Variants in CACNA2D1 observed in about 807,000 individuals in gnomAD.
CACNA2D1 encodes voltage-dependent calcium channel subunit alpha-2/delta-1.
Under a neutral mutation model 171.5 loss-of-function variants are expected in CACNA2D1, and 53 were observed. That is an observed-to-expected ratio of 0.31 (90% CI 0.25 to 0.39). The LOEUF is 0.39. Among genes scored for constraint, CACNA2D1 ranks in the 10% least tolerant of loss-of-function variants. The pLI is 1.00. For synonymous variants in CACNA2D1, 442 were observed against 443.1 expected, an observed-to-expected ratio of 1.00 and a Z score of 0.03; for missense variants, 903 against 1,299.8, an observed-to-expected ratio of 0.69 and a Z score of 4.69.
intron 3 of CACNA2D1, among the ~76,000 whole-genome samples, chr7:82,185,119 T>G (rs1019349257): frequency 6.6e-6 from 1 of 152,142 alleles, no homozygotes; most frequent in Non-Finnish European, 1.5e-5. Flanking sequence ...AAACTATGAA[T>G]AGGAGTAATT....
At chr7:82,177,484 GAACA>G (rs1240783500) in intron 3 of CACNA2D1, among the ~76,000 whole-genome samples, 9 of 152,048 alleles carry the variant, frequency 5.9e-5, no homozygotes, top group Non-Finnish European at 1.5e-5. Context: ...GGTTTGGATT[GAACA>G]AACAAATTAC....
chr7:82,378,324 AG>A (rs1351018134), intron 1 of CACNA2D1, among the ~76,000 whole-genome samples: 1 of 152,186 alleles, frequency 6.6e-6, no homozygotes, highest in Admixed American at 6.6e-5. Context: ...ATTGGAGCCC[AG>A]GAAGTCCAGA....
At chr7:82,180,190 G>C (rs1796974060) in intron 3 of CACNA2D1, among the ~76,000 whole-genome samples, 1 of 152,140 alleles carries the variant, frequency 6.6e-6, no homozygotes, top group Admixed American at 6.6e-5. Flanking sequence ...TCCAGAGCGA[G>C]GGCAGATTTG....
intron 18 of CACNA2D1, among the ~76,000 whole-genome samples, chr7:81,999,529 T>A (rs1798378464): frequency 6.6e-6 from 1 of 152,230 alleles, no homozygotes. Context: ...GTATTACAAA[T>A]GCTACTTAGT....
At position 82,071,058 on chromosome 7, in the gene CACNA2D1, C is replaced by T. The variant is rs75024869; in HGVS notation, c.659-4534G>A. On this transcript the variant is annotated intron_variant, in intron 7 of 38. Transcript: ENST00000356860. ...GATGAAAAGAACAACAACTAGAAGT[C>T]ATCTGGGCATTGTTGTTGATGTTGT... Among the ~76,000 whole-genome samples, 63 of 152,244 alleles carry T rather than the reference C, an allele frequency of 4.1e-4. 1 individual carries two copies. In the East Asian group the frequency reaches 0.011, roughly 28 times the overall value.
At chr7:82,069,367 T>G (rs923233911) in intron 7 of CACNA2D1, among the ~76,000 whole-genome samples, 1 of 152,158 alleles carries the variant, frequency 6.6e-6, no homozygotes. Flanking sequence ...TCAGGAAGAT[T>G]TGGGGATGGG....
chr7:82,077,093 T>C (rs1206575991), intron 7 of CACNA2D1, among the ~76,000 whole-genome samples: 1 of 152,232 alleles, frequency 6.6e-6, no homozygotes, highest in African/African-American at 2.4e-5. Context: ...ATTTAAGATG[T>C]ATTTAATTTA....
intron 12 of CACNA2D1, among the ~76,000 whole-genome samples, chr7:82,014,948 G>A (rs1161863024): frequency 6.6e-6 from 1 of 151,960 alleles, no homozygotes; most frequent in African/African-American, 2.4e-5. Flanking sequence ...CCAGCTACTC[G>A]GGAAGCTGAG....
chr7:82,372,758 G>T (rs1014432989), intron 1 of CACNA2D1, among the ~76,000 whole-genome samples: 1 of 151,886 alleles, frequency 6.6e-6, no homozygotes, highest in East Asian at 1.9e-4. Flanking sequence ...GTTTTTTGAA[G>T]GACTTGCAAA....
At chr7:82,233,747 A>C (rs548321543) in intron 3 of CACNA2D1, among the ~76,000 whole-genome samples, 10 of 152,194 alleles carry the variant, frequency 6.6e-5, no homozygotes, top group Non-Finnish European at 1.3e-4. Flanking sequence ...ACTCGCAGAG[A>C]GTAGTTATAT....
intron 10 of CACNA2D1, among the ~76,000 whole-genome samples, chr7:82,042,203 A>C (rs1804046438): frequency 2.0e-5 from 3 of 152,200 alleles, no homozygotes; most frequent in Non-Finnish European, 4.4e-5. Context: ...GAAAGTTTAC[A>C]ATCAGATAAG....
chr7:82,240,467 C>A (rs1423300127), intron 3 of CACNA2D1, among the ~76,000 whole-genome samples: 1 of 152,110 alleles, frequency 6.6e-6, no homozygotes, highest in African/African-American at 2.4e-5. Flanking sequence ...TATTAGCCTC[C>A]TTTCATAAGG....
At chr7:81,955,905 T>TGGGGGGGGG (rs59823054) in intron 38 of CACNA2D1, among the ~76,000 whole-genome samples, 2 of 53,928 alleles carry the variant, frequency 3.7e-5, no homozygotes, top group South Asian at 7.5e-4. Context: ...GTTATTTTGG[T>TGGGGGGGGG]GGGGGGGGGG....
chr7:82,263,852 C>T (rs1563278196), intron 3 of CACNA2D1, among the ~76,000 whole-genome samples: 1 of 152,046 alleles, frequency 6.6e-6, no homozygotes, highest in Non-Finnish European at 1.5e-5. Context: ...GAGAAGATTA[C>T]CCCAATCTCT....
At chr7:81,992,060 G>A (rs912997167) in intron 20 of CACNA2D1, among the ~76,000 whole-genome samples, 1 of 150,748 alleles carries the variant, frequency 6.6e-6, no homozygotes, top group Admixed American at 6.6e-5. Flanking sequence ...AGCCAGGACG[G>A]TCTCGATCTC....
At chr7:82,151,654 G>A (rs1793867245) in intron 4 of CACNA2D1, among the ~76,000 whole-genome samples, 1 of 152,188 alleles carries the variant, frequency 6.6e-6, no homozygotes, top group African/African-American at 2.4e-5. Flanking sequence ...TGTCACTTCG[G>A]TGGAGAGCAA....
Position 81,971,816 on chromosome 7 carries a change from T to G in CACNA2D1, c.2102A>C (p.Asn701Thr). The G allele has an allele frequency of 6.2e-7, 1 of 1,608,770 alleles. No individual in the cohort carries two copies. The highest frequency in any genetic ancestry group is 1.1e-5 in the South Asian group (1 of 90,840). ...ACTCCAGTAATTTTGGACAAGTTCA[T>G]TTGTAAAGCCTGCATCAAGCAAGAC... ...NRVLLDAGFT[N>T]ELVQNYWSKQ... Residue 701 changes from asparagine to threonine, a missense_variant, in exon 26 of 39, where the codon AAT (asparagine) becomes ACT (threonine). Physicochemically the swap from Asn to Thr is moderately conservative, Grantham distance 65. This residue lies in a region of CACNA2D1 where 623 missense variants were observed against 925.5 expected (regional missense o/e 0.67). Transcript: ENST00000356860.
At chr7:82,007,813 G>C (rs998796352) in intron 15 of CACNA2D1, 57 bp from the exon 16 acceptor site, 11 of 983,328 alleles carry the variant, frequency 1.1e-5, no homozygotes, top group Non-Finnish European at 1.8e-5. Flanking sequence ...AGCTTTGTCA[G>C]AGTGCACTAA....
chr7:82,116,683 A>G (rs1036025818), intron 6 of CACNA2D1, among the ~76,000 whole-genome samples: 2 of 152,170 alleles, frequency 1.3e-5, no homozygotes, highest in Admixed American at 6.5e-5. Flanking sequence ...TTATGCAAGA[A>G]TATTTTTGCA....
Sources: gnomAD v4.1 joint callset for allele counts (sites outside exome capture counted in the v4.1 genomes callset) on GRCh38, gnomAD v4.1.1 for gene constraint, gnomAD v4.1.1 regional missense constraint, MANE v1.5 for transcripts, NCBI Gene and HGNC (gene_info 2026-07-23, HGNC 2026-07-21) for gene names.